Variants in PTPRN2 observed in about 807,000 individuals in gnomAD.
PTPRN2 encodes the protein receptor-type tyrosine-protein phosphatase N2.
Under a neutral mutation model 118.8 loss-of-function variants are expected in PTPRN2, and 74 were observed. That is an observed-to-expected ratio of 0.62 (90% CI 0.52 to 0.76). The LOEUF is 0.76. PTPRN2 is among the 30% of genes least tolerant of loss of function. The pLI is 0.00. For missense variants in PTPRN2, 1,481 were observed against 1,394.4 expected (o/e 1.06, Z -0.99); for synonymous variants, 641 against 608.0 (o/e 1.05, Z -0.80).
chr7:158,315,478 T>G (rs113641696), intron 3 of PTPRN2, among the ~76,000 whole-genome samples: 1 of 87,406 alleles, frequency 1.1e-5, no homozygotes, highest in African/African-American at 4.7e-5. Flanking sequence ...CCCTGAAGGA[T>G]AGAGGTGAAC....
intron 2 of PTPRN2, among the ~76,000 whole-genome samples, chr7:158,348,201 G>A (rs59435702): frequency 7.2e-5 from 11 of 152,024 alleles, no homozygotes; most frequent in Admixed American, 6.5e-4. Context: ...CAAAGAGAGA[G>A]AAACTGGAGA....
intron 9 of PTPRN2, among the ~76,000 whole-genome samples, chr7:158,128,440 T>C (rs771090711): frequency 9.9e-5 from 15 of 152,148 alleles, no homozygotes; most frequent in East Asian, 5.8e-4. Context: ...CCACTGCTCA[T>C]AGGAGGTAAA....
At chr7:157,828,185 G>A (rs1300491204) in intron 12 of PTPRN2, among the ~76,000 whole-genome samples, 1 of 152,200 alleles carries the variant, frequency 6.6e-6, no homozygotes, top group East Asian at 1.9e-4. Context: ...ATGGTGGGAG[G>A]TCCTCATGCT....
intron 5 of PTPRN2, among the ~76,000 whole-genome samples, chr7:158,175,091 C>G (rs989712202): frequency 6.6e-6 from 1 of 152,176 alleles, no homozygotes; most frequent in Non-Finnish European, 1.5e-5. Flanking sequence ...CTGGTCTCTG[C>G]CCATGCTCAT....
chr7:158,019,591 G>A (rs1036889410), intron 11 of PTPRN2, among the ~76,000 whole-genome samples: 1 of 152,204 alleles, frequency 6.6e-6, no homozygotes, highest in Non-Finnish European at 1.5e-5. Flanking sequence ...ATGAAAGAGG[G>A]CGCTTAAATT....
intron 6 of PTPRN2, among the ~76,000 whole-genome samples, chr7:158,143,091 C>A (rs577331206): frequency 1.2e-4 from 18 of 152,304 alleles, no homozygotes; most frequent in Admixed American, 1.0e-3. Context: ...AGATCTTTTT[C>A]TTTCCCAGCG....
At chr7:158,074,878 C>T (rs1812224874) in intron 11 of PTPRN2, among the ~76,000 whole-genome samples, 1 of 152,206 alleles carries the variant, frequency 6.6e-6, no homozygotes, top group Non-Finnish European at 1.5e-5. Context: ...GCATAAACCC[C>T]CTCTGTGTAA....
At position 157,540,759 on chromosome 7, in the gene PTPRN2, G is replaced by T; in HGVS notation, c.3003C>A (p.Ala1001=). 1 of 1,569,626 alleles carries T rather than the reference G, an allele frequency of 6.4e-7. No homozygotes were observed. ...TKEQFEFALT[A]VAEEVNAILK... ...GGATGGCGTTCACCTCCTCAGCCAC[G>T]GCTGTCAGCGCGAACTCAAACTGCT... Residue 1001 remains alanine (A), a synonymous_variant, in exon 23 of 23, where the codon GCC becomes GCA. Transcript: ENST00000389418.
chr7:157,684,596 C>G (rs1195957868), intron 12 of PTPRN2, among the ~76,000 whole-genome samples: 1 of 150,152 alleles, frequency 6.7e-6, no homozygotes, highest in Non-Finnish European at 1.5e-5. Flanking sequence ...CCCCTCCCCT[C>G]CCCTCCGCCC....
chr7:158,280,809 G>A (rs1471843411), intron 3 of PTPRN2, among the ~76,000 whole-genome samples: 1 of 152,242 alleles, frequency 6.6e-6, no homozygotes, highest in Admixed American at 6.5e-5. Flanking sequence ...AGAAATAGAA[G>A]GTCTCCCGAG....
intron 13 of PTPRN2, among the ~76,000 whole-genome samples, chr7:157,665,402 A>G (rs1796087435): frequency 6.6e-6 from 1 of 152,218 alleles, no homozygotes; most frequent in Non-Finnish European, 1.5e-5. Flanking sequence ...GGTAGATGTA[A>G]CCACATAACT....
intron 11 of PTPRN2, among the ~76,000 whole-genome samples, chr7:157,902,713 G>A (rs937827675): frequency 1.3e-5 from 2 of 152,224 alleles, no homozygotes; most frequent in African/African-American, 4.8e-5. Flanking sequence ...TTTAGATGCC[G>A]ATGCGAGAGT....
intron 12 of PTPRN2, among the ~76,000 whole-genome samples, chr7:157,897,448 G>A (rs1584974497): frequency 2.0e-5 from 3 of 152,196 alleles, no homozygotes; most frequent in Admixed American, 1.3e-4. Context: ...GCAAGCTCCC[G>A]GGAAAGACCA....
intron 6 of PTPRN2, among the ~76,000 whole-genome samples, chr7:158,149,344 A>T (rs1203377083): frequency 6.6e-6 from 1 of 152,212 alleles, no homozygotes; most frequent in Non-Finnish European, 1.5e-5. Context: ...CCTGGAAATT[A>T]ACAACTACAT....
intron 11 of PTPRN2, among the ~76,000 whole-genome samples, chr7:157,941,231 C>T (rs1413519691): frequency 4.9e-5 from 4 of 81,486 alleles, no homozygotes; most frequent in Admixed American, 1.3e-4. Context: ...AAATCTAACA[C>T]CCTCCCCACC....
intron 22 of PTPRN2, among the ~76,000 whole-genome samples, chr7:157,547,317 T>C (rs1200240014): frequency 2.0e-5 from 3 of 152,162 alleles, no homozygotes; most frequent in Non-Finnish European, 4.4e-5. Flanking sequence ...GAAGGTGGTA[T>C]GTGCCAGCCT....
At position 158,258,217 on chromosome 7, in the gene PTPRN2, C is replaced by G. The variant is rs1282879892; in HGVS notation, c.278-52944G>C. ...CCGACGTCCACACACCACATTTCCTCCGCTCTGTCTGCTGCAGAGCCTGCT... is the reference window on the plus strand; with the variant it reads ...CCGACGTCCACACACCACATTTCCTGCGCTCTGTCTGCTGCAGAGCCTGCT... On this transcript the variant is annotated intron_variant, in intron 3 of 22. Transcript: ENST00000389418. Among the ~76,000 whole-genome samples the G allele has an allele frequency of 2.0e-5, 3 of 152,328 alleles. No homozygotes were observed. In the East Asian group the frequency reaches 5.8e-4, roughly 30 times the overall value.
chr7:157,756,854 G>A (rs1801811436), intron 12 of PTPRN2, among the ~76,000 whole-genome samples: 1 of 151,864 alleles, frequency 6.6e-6, no homozygotes, highest in East Asian at 1.9e-4. Flanking sequence ...AGAGGACGTC[G>A]CTTTCCATGT....
chr7:157,966,345 T>C (rs531193038), intron 11 of PTPRN2, among the ~76,000 whole-genome samples: 13 of 152,068 alleles, frequency 8.5e-5, no homozygotes, highest in African/African-American at 3.1e-4. Flanking sequence ...ACCACCACCA[T>C]CATTTTCATT....
Sources: allele counts gnomAD v4.1 joint callset (sites outside exome capture counted in the v4.1 genomes callset), GRCh38; gene constraint gnomAD v4.1.1; transcripts MANE v1.5; gene names NCBI Gene and HGNC (gene_info 2026-07-23, HGNC 2026-07-21).